The following UMAD1 variants were observed in gnomAD, a reference collection of about 807,000 sequenced individuals.
The protein encoded by UMAD1 is UBAP1-MVB12-associated (UMA) domain containing 1.
Under a neutral mutation model 6.1 loss-of-function variants are expected in UMAD1, and 8 were observed. The ratio of observed to expected loss-of-function variants is 1.30; its 90% CI spans 0.76 to 2.35. UMAD1 has a LOEUF of 2.35. Among genes scored for constraint, UMAD1 ranks in the 30% most tolerant of loss-of-function variants. The pLI is 0.00. For missense variants in UMAD1, 130 were observed against 78.4 expected, an observed-to-expected ratio of 1.66 and a Z score of -2.49; for synonymous variants, 56 against 31.4, an observed-to-expected ratio of 1.78 and a Z score of -2.61.
chr7:7,697,112 GCTTTT>G (rs1201604524), intron 2 of UMAD1, among the ~76,000 whole-genome samples: 4 of 152,054 alleles, frequency 2.6e-5, no homozygotes, highest in Admixed American at 1.3e-4. Context: ...AGATTGTTTT[GCTTTT>G]CTTTTTATTT....
At chr7:7,754,053 C>T (rs372010108) in intron 2 of UMAD1, among the ~76,000 whole-genome samples, 3 of 152,112 alleles carry the variant, frequency 2.0e-5, no homozygotes, top group South Asian at 2.1e-4. Context: ...AGCGTGGTGG[C>T]GGGCGCCTGT....
At chr7:7,715,978 A>G (rs139325000) in intron 2 of UMAD1, among the ~76,000 whole-genome samples, 5 of 152,342 alleles carry the variant, frequency 3.3e-5, no homozygotes, top group African/African-American at 9.6e-5. Flanking sequence ...TTGCTGTTGT[A>G]TATTTGTTTT....
intron 2 of UMAD1, among the ~76,000 whole-genome samples, chr7:7,776,346 C>T (rs573810293): frequency 6.6e-6 from 1 of 152,058 alleles, no homozygotes; most frequent in African/African-American, 2.4e-5. Flanking sequence ...AATGAGAGTG[C>T]AAAAAGTAAT....
intron 3 of UMAD1, among the ~76,000 whole-genome samples, chr7:7,842,780 C>A (rs566425291): frequency 6.6e-6 from 1 of 152,076 alleles, no homozygotes; most frequent in Non-Finnish European, 1.5e-5. Context: ...TGAGAAAATT[C>A]TTTTTCACCC....
intron 3 of UMAD1, among the ~76,000 whole-genome samples, chr7:7,851,680 A>T (rs560247563): frequency 1.5e-4 from 23 of 152,272 alleles, no homozygotes; most frequent in African/African-American, 5.3e-4. Context: ...GCTTTTGTAT[A>T]TCTGCTTTGG....
chr7:7,796,887 C>A (rs905363698), intron 2 of UMAD1, among the ~76,000 whole-genome samples: 1 of 152,176 alleles, frequency 6.6e-6, no homozygotes, highest in Non-Finnish European at 1.5e-5. Context: ...CCCCCAAACT[C>A]CTCTGGGGAA....
At chr7:7,790,591 C>T (rs1382406745) in intron 2 of UMAD1, among the ~76,000 whole-genome samples, 38 of 152,004 alleles carry the variant, frequency 2.5e-4, no homozygotes, top group Admixed American at 2.5e-3. Flanking sequence ...GTTAGAACTT[C>T]CTCCCTCTGG....
intron 2 of UMAD1, chr7:7,740,581 T>G (rs907860377): frequency 6.6e-6 from 1 of 152,258 alleles, no homozygotes; most frequent in Non-Finnish European, 1.5e-5. Context: ...CAAATTCAAG[T>G]AGGACACACC....
chr7:7,797,692 T>C (rs1319024107), intron 2 of UMAD1, among the ~76,000 whole-genome samples: 1 of 91,410 alleles, frequency 1.1e-5, no homozygotes, highest in Non-Finnish European at 2.5e-5. Context: ...TCATCCAACA[T>C]TTTTTTTTTT....
intron 2 of UMAD1, among the ~76,000 whole-genome samples, chr7:7,701,600 G>A (rs76755787): frequency 0.018 from 2,799 of 152,202 alleles, 85 homozygotes; most frequent in African/African-American, 0.064. Flanking sequence ...GTGCTTTTCT[G>A]ATTCAGAGTT....
intron 2 of UMAD1, among the ~76,000 whole-genome samples, chr7:7,756,668 T>C (rs1164374297): frequency 6.6e-6 from 1 of 152,228 alleles, no homozygotes; most frequent in Non-Finnish European, 1.5e-5. Context: ...AAAAAGTTTT[T>C]AATTTTAGCG....
chr7:7,714,734 G>A (rs79061489), intron 2 of UMAD1, among the ~76,000 whole-genome samples: 12,597 of 152,124 alleles, frequency 0.083, 613 homozygotes, highest in Non-Finnish European at 0.098. Flanking sequence ...AACCTTCCTG[G>A]GGGAAGGTTA....
intron 3 of UMAD1, among the ~76,000 whole-genome samples, chr7:7,827,292 C>G (rs1783366006): frequency 6.6e-6 from 1 of 151,836 alleles, no homozygotes; most frequent in Non-Finnish European, 1.5e-5. Flanking sequence ...ATTCCAGATA[C>G]AAAGAGTAAT....
intron 3 of UMAD1, among the ~76,000 whole-genome samples, chr7:7,802,631 G>A (rs1026720385): frequency 6.6e-6 from 1 of 152,188 alleles, no homozygotes; most frequent in African/African-American, 2.4e-5. Flanking sequence ...GTACTAGGGT[G>A]GAAGGATTAT....
At chr7:7,698,317 A>T (rs1262487533) in intron 2 of UMAD1, among the ~76,000 whole-genome samples, 1 of 152,214 alleles carries the variant, frequency 6.6e-6, no homozygotes, top group Non-Finnish European at 1.5e-5. Context: ...AAATTTTTTT[A>T]GTGCTTTTTA....
intron 2 of UMAD1, among the ~76,000 whole-genome samples, chr7:7,709,376 A>G (rs987570248): frequency 1.3e-5 from 2 of 152,216 alleles, no homozygotes; most frequent in Non-Finnish European, 2.9e-5. Flanking sequence ...TCCTCACACC[A>G]TCTCTTAAGA....
chr7:7,836,907 G>A lies in UMAD1; in HGVS notation c.156+35164G>A, dbSNP rs558424123. On this transcript the variant is annotated intron_variant, in intron 3 of 3. Transcript: ENST00000682710. Reference sequence around the variant, plus strand: ...TGGAGAGACAAGGTCAGGGAATGGGGCAGGGACAATATATGAAAATTAGGA... The same window carrying A: ...TGGAGAGACAAGGTCAGGGAATGGGACAGGGACAATATATGAAAATTAGGA... Among the ~76,000 whole-genome samples, 7 of 151,566 alleles carry A rather than the reference G, an allele frequency of 4.6e-5. No individual in the cohort carries two copies. In the South Asian group the frequency reaches 1.5e-3, roughly 32 times the overall value.
intron 2 of UMAD1, among the ~76,000 whole-genome samples, chr7:7,750,188 A>G (rs1294621751): frequency 6.6e-6 from 1 of 152,158 alleles, no homozygotes; most frequent in Non-Finnish European, 1.5e-5. Context: ...AATTTTAACT[A>G]ATATCTTAAG....
intron 3 of UMAD1, among the ~76,000 whole-genome samples, chr7:7,863,348 A>G (rs567139645): frequency 1.3e-5 from 2 of 152,234 alleles, no homozygotes; most frequent in African/African-American, 2.4e-5. Context: ...TGAAAACTGT[A>G]TAGAGCACCA....
Sources: allele counts gnomAD v4.1 joint callset (sites outside exome capture counted in the v4.1 genomes callset), GRCh38; gene constraint gnomAD v4.1.1; transcripts MANE v1.5; gene names NCBI Gene and HGNC (gene_info 2026-07-23, HGNC 2026-07-21).